The following PTCHD4 variants were observed in gnomAD, a reference collection of about 807,000 sequenced individuals.
PTCHD4 encodes the protein patched domain-containing protein 4.
A neutral mutation model predicts 58.1 loss-of-function variants in PTCHD4; 33 were observed. The ratio of observed to expected loss-of-function variants is 0.57; its 90% CI spans 0.43 to 0.76. The LOEUF is 0.76. PTCHD4 is among the 30% of genes least tolerant of loss of function. PTCHD4 has a pLI of 0.00. For missense variants in PTCHD4, 1,058 were observed against 1,027.1 expected (o/e 1.03, Z -0.41); for synonymous variants, 478 against 409.6 (o/e 1.17, Z -2.02).
In PTCHD4 at chr6:48,065,809, C is replaced by T. The variant is rs565347550; in HGVS notation, c.417+2421G>A. ...CCAGGCAGAGAGAGTTAAGACAACA[C>T]ATTTGAGGAAACATTGATAGATACT... On this transcript the variant is annotated intron_variant, in intron 3 of 4. Coordinates refer to ENST00000339488, the MANE Select transcript of PTCHD4 (RefSeq NM_001384253.1). 5.9e-5 allele frequency among the ~76,000 whole-genome samples: 9 copies of T among 152,318 alleles called. No individual in the cohort carries two copies. In the South Asian group the frequency reaches 1.9e-3, roughly 32 times the overall value.
intron 3 of PTCHD4, among the ~76,000 whole-genome samples, chr6:48,011,270 TCTAA>T (rs1562005815): frequency 6.6e-6 from 1 of 152,224 alleles, no homozygotes; most frequent in African/African-American, 2.4e-5. Flanking sequence ...TGATTACCAC[TCTAA>T]CTGGCATGAG....
In PTCHD4 at chr6:47,974,759, A is replaced by G. The variant is rs1767632607; in HGVS notation, c.898+33875T>C. On this transcript the variant is annotated intron_variant, in intron 4 of 4. Coordinates refer to ENST00000339488, the MANE Select transcript of PTCHD4 (RefSeq NM_001384253.1). ...ATTTTCATTCTTAATTGTGTTTAAC[A>G]TATGCTAATATTAACACTGATTTTT... 2.6e-5 allele frequency among the ~76,000 whole-genome samples: 4 copies of G among 152,224 alleles called. No individual in the cohort carries two copies. The South Asian group carries it at 8.3e-4, about 31-fold the overall frequency.
chr6:48,023,328 C>T (rs939779828), intron 3 of PTCHD4, among the ~76,000 whole-genome samples: 3 of 151,980 alleles, frequency 2.0e-5, no homozygotes, highest in Non-Finnish European at 2.9e-5. Context: ...AAAATATGAC[C>T]GGATAACCCC....
At chr6:47,950,175 C>A (rs768366171) in intron 4 of PTCHD4, among the ~76,000 whole-genome samples, 15 of 151,970 alleles carry the variant, frequency 9.9e-5, no homozygotes, top group Non-Finnish European at 1.8e-4. Flanking sequence ...ATGATGGTTT[C>A]CAGTTTCATC....
At chr6:48,015,665 C>G (rs182239853) in intron 3 of PTCHD4, among the ~76,000 whole-genome samples, 106 of 152,028 alleles carry the variant, frequency 7.0e-4, no homozygotes, top group African/African-American at 2.5e-3. Context: ...TGCAATCATT[C>G]TATTGCATAG....
intron 4 of PTCHD4, among the ~76,000 whole-genome samples, chr6:47,984,966 G>A (rs542217256): frequency 6.6e-6 from 1 of 152,138 alleles, no homozygotes; most frequent in African/African-American, 2.4e-5. Flanking sequence ...TTTATAATGA[G>A]TATAAAGTTA....
At chr6:48,051,490 G>T (rs1338491417) in intron 3 of PTCHD4, among the ~76,000 whole-genome samples, 1 of 151,958 alleles carries the variant, frequency 6.6e-6, no homozygotes, top group African/African-American at 2.4e-5. Flanking sequence ...AGACCAAAGG[G>T]AGGATAATTT....
At chr6:48,032,334 A>G (rs1425330847) in intron 3 of PTCHD4, among the ~76,000 whole-genome samples, 2 of 152,100 alleles carry the variant, frequency 1.3e-5, no homozygotes, top group South Asian at 4.1e-4. Flanking sequence ...ATTTGTAAAG[A>G]GTAGCTTGAT....
intron 1 of PTCHD4, among the ~76,000 whole-genome samples, chr6:48,103,717 A>G (rs879020816): frequency 6.6e-6 from 1 of 152,184 alleles, no homozygotes; most frequent in Non-Finnish European, 1.5e-5. Context: ...AAATTAGATG[A>G]ATGGCTAACT....
chr6:47,946,497 A>G (rs1213369165), intron 4 of PTCHD4, among the ~76,000 whole-genome samples: 2 of 152,110 alleles, frequency 1.3e-5, no homozygotes, highest in African/African-American at 2.4e-5. Flanking sequence ...CCCAATATCA[A>G]TATAATTTTA....
intron 3 of PTCHD4, among the ~76,000 whole-genome samples, chr6:48,049,019 G>T (rs1764137648): frequency 6.6e-6 from 1 of 151,910 alleles, no homozygotes; most frequent in Non-Finnish European, 1.5e-5. Context: ...TTTAGATGAG[G>T]TACAAAGACG....
intron 3 of PTCHD4, among the ~76,000 whole-genome samples, chr6:48,067,843 A>G (rs1264838621): frequency 6.8e-6 from 1 of 147,492 alleles, no homozygotes; most frequent in Non-Finnish European, 1.5e-5. Context: ...TATTTTTGGT[A>G]TTTGTTTTGT....
chr6:47,916,193 TC>T (rs1218750161), intron 4 of PTCHD4, among the ~76,000 whole-genome samples: 5 of 152,082 alleles, frequency 3.3e-5, no homozygotes, highest in Non-Finnish European at 7.4e-5. Context: ...TATTCTCCTC[TC>T]GGTTCCTGTG....
At chr6:48,038,835 C>T (rs1234264870) in intron 3 of PTCHD4, among the ~76,000 whole-genome samples, 2 of 152,052 alleles carry the variant, frequency 1.3e-5, no homozygotes, top group African/African-American at 4.8e-5. Context: ...AATAGAGCCA[C>T]AGGTTGATTT....
chr6:48,109,609 G>T (rs1337107822), intron 1 of PTCHD4, among the ~76,000 whole-genome samples: 2 of 152,172 alleles, frequency 1.3e-5, no homozygotes, highest in East Asian at 3.9e-4. Context: ...TCAATGAAAT[G>T]AGAAGGCAGC....
intron 4 of PTCHD4, among the ~76,000 whole-genome samples, chr6:47,942,168 A>C (rs1766255117): frequency 6.6e-6 from 1 of 152,234 alleles, no homozygotes; most frequent in Non-Finnish European, 1.5e-5. Context: ...TCAAAGGATG[A>C]AACACTGCTA....
chr6:47,901,674 T>C (rs1764709390), intron 4 of PTCHD4: 1 of 1,148,378 alleles, frequency 8.7e-7, no homozygotes, highest in Non-Finnish European at 1.1e-6. Flanking sequence ...AGGAAAGAAA[T>C]ACCTGGAGGA....
chr6:48,041,247 G>T (rs1006883168), intron 3 of PTCHD4, among the ~76,000 whole-genome samples: 1 of 152,008 alleles, frequency 6.6e-6, no homozygotes, highest in Non-Finnish European at 1.5e-5. Context: ...CATCAGTCCT[G>T]CTACCACCTC....
intron 4 of PTCHD4, chr6:47,902,032 T>C (rs1764725469): frequency 4.3e-6 from 3 of 701,146 alleles, no homozygotes; most frequent in African/African-American, 1.9e-5. Flanking sequence ...ACTGGGGAAC[T>C]GAAGAGTTAT....
Sources: allele counts gnomAD v4.1 joint callset (sites outside exome capture counted in the v4.1 genomes callset), GRCh38; gene constraint gnomAD v4.1.1; transcripts MANE v1.5; gene names NCBI Gene and HGNC (gene_info 2026-07-23, HGNC 2026-07-21).